The following CBFB variants were observed in gnomAD, a reference collection of about 807,000 sequenced individuals.
The protein encoded by CBFB is core-binding factor subunit beta, also known as CBF-beta.
CBFB carries 9 observed loss-of-function variants against 30.4 expected under a neutral mutation model. That is an observed-to-expected ratio of 0.30 (90% confidence interval 0.18 to 0.52). The LOEUF (loss-of-function observed/expected upper bound fraction) is 0.52, where lower values mean the gene tolerates loss of function less well. CBFB is among the 20% of genes least tolerant of loss of function. The pLI, the probability that CBFB is intolerant of heterozygous loss-of-function variation, is 0.97. For missense variants in CBFB, 170 were observed against 244.0 expected (o/e 0.70, Z 2.02); for synonymous variants, 94 against 84.0 (o/e 1.12, Z -0.65).
At chr16:67,029,596 G>T (rs8061800) in intron 1 of CBFB, 111 bp downstream of exon 1, 13 of 1,326,424 alleles carry the variant, frequency 9.8e-6, no homozygotes, top group Non-Finnish European at 1.1e-5. Flanking sequence ...TGCGCCCGCG[G>T]AGGGGCAATC....
intron 5 of CBFB, among the ~76,000 whole-genome samples, chr16:67,083,711 T>TA (rs1331018119): frequency 6.6e-6 from 1 of 152,202 alleles, no homozygotes; most frequent in Non-Finnish European, 1.5e-5. Flanking sequence ...CCCACTTTTT[T>TA]AAATCTACCA....
intron 4 of CBFB, among the ~76,000 whole-genome samples, chr16:67,073,549 C>T (rs774733346): frequency 3.9e-5 from 6 of 152,180 alleles, no homozygotes; most frequent in Non-Finnish European, 7.4e-5. Flanking sequence ...AGTTCGAGAC[C>T]AGCCTGGCCA....
At chr16:67,057,585 A>G (rs916805638) in intron 3 of CBFB, among the ~76,000 whole-genome samples, 1 of 152,242 alleles carries the variant, frequency 6.6e-6, no homozygotes, top group South Asian at 2.1e-4. Context: ...CTCCTGATAC[A>G]TGTTATTGAA....
chr16:67,048,823 C>CTTT (rs559010433), intron 3 of CBFB, among the ~76,000 whole-genome samples: 1 of 85,834 alleles, frequency 1.2e-5, no homozygotes, highest in African/African-American at 4.4e-5. Context: ...TTTTTTTTTT[C>CTTT]TTTTTTTTTT....
At chr16:67,031,282 A>G (rs542076878) in intron 2 of CBFB, among the ~76,000 whole-genome samples, 1 of 152,284 alleles carries the variant, frequency 6.6e-6, no homozygotes, top group South Asian at 2.1e-4. Context: ...CCACTTGCAA[A>G]TTTCTTGAGT....
At chr16:67,090,628 A>G (rs527682811) in intron 5 of CBFB, among the ~76,000 whole-genome samples, 2 of 152,330 alleles carry the variant, frequency 1.3e-5, no homozygotes, top group South Asian at 2.1e-4. Flanking sequence ...AAACTGTAAT[A>G]TAGCACTCTT....
At chr16:67,058,127 C>G (rs553771897) in intron 3 of CBFB, among the ~76,000 whole-genome samples, 1 of 147,560 alleles carries the variant, frequency 6.8e-6, no homozygotes, top group African/African-American at 2.5e-5. Flanking sequence ...TTATTCAAAT[C>G]GGTTGTTGTT....
intron 3 of CBFB, among the ~76,000 whole-genome samples, chr16:67,047,961 C>T (rs192300301): frequency 5.1e-4 from 77 of 152,030 alleles, no homozygotes; most frequent in African/African-American, 1.7e-3. Context: ...CCCAGCTGCT[C>T]GGGAGGCTAA....
At chr16:67,029,863 G>C in intron 2 of CBFB, 50 bp downstream of exon 2, 1 of 1,408,628 alleles carries the variant, frequency 7.1e-7, no homozygotes, top group Non-Finnish European at 9.6e-7. Context: ...GCGCGGGGCC[G>C]CGGCGGCCCA....
At chr16:67,046,422 C>G (rs1966628518) in intron 3 of CBFB, among the ~76,000 whole-genome samples, 1 of 152,024 alleles carries the variant, frequency 6.6e-6, no homozygotes, top group Admixed American at 6.5e-5. Context: ...TCAAATGCTG[C>G]CAGGATAAAG....
chr16:67,050,017 C>G (rs905347465), intron 3 of CBFB, among the ~76,000 whole-genome samples: 1 of 151,784 alleles, frequency 6.6e-6, no homozygotes, highest in Non-Finnish European at 1.5e-5. Flanking sequence ...TTTTTTACCC[C>G]TAAGTCTGTT....
At position 67,099,805 on chromosome 16, in the gene CBFB, A is replaced by AT. The variant is rs1468124772; in HGVS notation, c.*1029dup. The AT allele has an allele frequency of 4.8e-6, 1 of 210,028 alleles. No individual in the cohort carries two copies. Among genetic ancestry groups the AT allele is most frequent in the Admixed American group, 5.9e-5 (1 of 16,920 alleles). The allele number at this position is 210,028 out of a possible 1,614,324, so 13.0% of individuals were successfully genotyped here. On this transcript the variant is annotated 3_prime_UTR_variant, in exon 6 of 6. Transcript: ENST00000412916. ...GTGATGAATCAGCTACAAAGGTAAT[A>AT]TTGTATTAAAATCATGTTTAAGATA...
Position 67,042,483 on chromosome 16 carries a change from C to T in CBFB, c.282+5728C>T, listed in dbSNP as rs1245129972. 2.0e-5 allele frequency among the ~76,000 whole-genome samples: 3 copies of T among 152,198 alleles called. No individual in the cohort carries two copies. In the East Asian group the frequency reaches 5.8e-4, roughly 29 times the overall value. On this transcript the variant is annotated intron_variant, in intron 3 of 5. Coordinates refer to ENST00000412916, the MANE Select transcript of CBFB (RefSeq NM_022845.3). ...ACAAATGTATGCACCCATGTAGATG[C>T]TACCACAGTCAAGATATATTTCAGT...
chr16:67,088,556 C>T (rs1021936356), intron 5 of CBFB, among the ~76,000 whole-genome samples: 4 of 152,110 alleles, frequency 2.6e-5, no homozygotes, highest in Admixed American at 6.6e-5. Context: ...CCACACCACC[C>T]GTAAAGATGC....
intron 3 of CBFB, among the ~76,000 whole-genome samples, chr16:67,065,336 A>T (rs1183767967): frequency 1.3e-5 from 2 of 152,204 alleles, no homozygotes; most frequent in Non-Finnish European, 2.9e-5. Flanking sequence ...GAACATATTT[A>T]ATTTGTCAGT....
intron 2 of CBFB, among the ~76,000 whole-genome samples, chr16:67,035,693 A>C (rs1022846984): frequency 6.6e-6 from 1 of 152,242 alleles, no homozygotes. Context: ...GACTCTATGC[A>C]TGGAAACCAA....
chr16:67,075,407 C>T (rs1460512726), intron 4 of CBFB, among the ~76,000 whole-genome samples: 1 of 152,106 alleles, frequency 6.6e-6, no homozygotes, highest in Non-Finnish European at 1.5e-5. Context: ...CACAGTACTA[C>T]CACACAGTCA....
intron 5 of CBFB, among the ~76,000 whole-genome samples, chr16:67,095,425 G>GGGAATTGCTTGAACCCAGGAGGCAGA: frequency 6.6e-6 from 1 of 152,070 alleles, no homozygotes; most frequent in Admixed American, 6.6e-5. Flanking sequence ...GCTGAGGCAG[G>GGGAATTGCTTGAACCCAGGAGGCAGA]GGAATTGCTT....
intron 3 of CBFB, among the ~76,000 whole-genome samples, chr16:67,037,617 G>C (rs1319272277): frequency 1.3e-5 from 2 of 151,342 alleles, no homozygotes; most frequent in Non-Finnish European, 2.9e-5. Flanking sequence ...AAATGTTTAA[G>C]CTGAGAGCCT....
Sources: gnomAD v4.1 joint callset for allele counts (sites outside exome capture counted in the v4.1 genomes callset) on GRCh38, gnomAD v4.1.1 for gene constraint, MANE v1.5 for transcripts, NCBI Gene and HGNC (gene_info 2026-07-23, HGNC 2026-07-21) for gene names.